PTGS1: variants seen among roughly 807,000 people sequenced by gnomAD.
PTGS1 encodes prostaglandin G/H synthase 1.
PTGS1 carries 40 observed loss-of-function variants against 63.0 expected under a neutral mutation model. The observed-to-expected ratio is 0.63, with a 90% confidence interval of 0.49 to 0.83. The LOEUF is 0.83. PTGS1 is among the 40% of genes least tolerant of loss of function. The pLI is 0.00. For missense variants in PTGS1, 709 were observed against 786.5 expected (o/e 0.90, Z 1.18); for synonymous variants, 298 against 301.9 (o/e 0.99, Z 0.13).
rs201622021 is a variant in PTGS1, at chr9:122,390,273, C to A, written c.1372C>A (p.Arg458=). Residue 458 remains arginine (R), a synonymous_variant, in exon 10 of 11, where the codon CGG becomes AGG. Transcript: ENST00000362012. ...TGTCATCAGGGAGTCTCGGGAGATG[C>A]GGCTGCAGCCCTTCAATGAGTACCG... The part of the protein sequence containing the change: ...VDVIRESREM[R]LQPFNEYRKR... 7.4e-6 allele frequency: 12 copies of A among 1,614,038 alleles called. No homozygotes were observed.
At chr9:122,381,860 G>A (rs1021283997) in intron 7 of PTGS1, 113 bp downstream of exon 7, 3 of 1,141,164 alleles carry the variant, frequency 2.6e-6, no homozygotes, top group African/African-American at 3.1e-5. Context: ...AACCACGGGA[G>A]TGGGAAGCTT....
chr9:122,374,505 A>G (rs935979861), intron 2 of PTGS1, among the ~76,000 whole-genome samples: 6 of 152,138 alleles, frequency 3.9e-5, no homozygotes, highest in Non-Finnish European at 5.9e-5. Context: ...TGTGCTGAGT[A>G]TGGGGGACTC....
intron 9 of PTGS1, among the ~76,000 whole-genome samples, chr9:122,388,995 G>A (rs1807621874): frequency 6.6e-6 from 1 of 152,094 alleles, no homozygotes; most frequent in Non-Finnish European, 1.5e-5. Flanking sequence ...TTGTAAAGCT[G>A]TAATTGGCAC....
chr9:122,378,161 T>A (rs1837287868), intron 3 of PTGS1, 146 bp downstream of exon 3: 1 of 904,468 alleles, frequency 1.1e-6, no homozygotes, highest in Non-Finnish European at 1.7e-6. Flanking sequence ...CTCCCTGACC[T>A]GGCTTCAGCA....
intron 2 of PTGS1, chr9:122,375,470 A>G (rs1243205345): frequency 2.0e-6 from 2 of 985,286 alleles, no homozygotes; most frequent in Non-Finnish European, 2.4e-6. Context: ...ACTTCATTTT[A>G]TTTATTCCAC....
At position 122,371,981 on chromosome 9, in the gene PTGS1, T is replaced by C. The variant is rs1460883618; in HGVS notation, c.94+709T>C. ...GGACCCGGAGCCACTCTGGGTTTCA[T>C]GGGGGAGGTTGATGGGGAAATTCCG... On this transcript the variant is annotated intron_variant, in intron 2 of 10. Transcript: ENST00000362012. 7.8e-6 allele frequency: 5 copies of C among 641,112 alleles called. No individual in the cohort carries two copies. The East Asian group carries it at 1.4e-4, about 18-fold the overall frequency. The allele number at this position is 641,112 out of a possible 1,614,324, so 39.7% of individuals were successfully genotyped here.
Position 122,392,403 on chromosome 9 carries a change from G to C in PTGS1, c.1659G>C (p.Val553=). The change falls in exon 11 of 11, where the codon GTG becomes GTC. Residue 553 remains valine, a synonymous_variant. Transcript: ENST00000362012. ...YWKPSTFGGE[V]GFNIVKTATL... is the part of the protein sequence containing the mutation. ...AGCCGAGCACATTTGGCGGCGAGGT[G>C]GGCTTTAACATTGTCAAGACGGCCA... is the stretch of plus-strand genomic sequence containing the variant. 1 of 1,614,158 alleles carries C rather than the reference G, an allele frequency of 6.2e-7. No individual in the cohort carries two copies. Among genetic ancestry groups the C allele is most frequent in the Non-Finnish European group, 8.5e-7 (1 of 1,180,034 alleles).
chr9:122,390,889 A>T (rs7874014), intron 10 of PTGS1, among the ~76,000 whole-genome samples: 11,664 of 151,848 alleles, frequency 0.077, 1,383 homozygotes, highest in African/African-American at 0.26. Context: ...AGAGCGAGAC[A>T]CCATCTCAAA....
intron 4 of PTGS1, 28 bp from the exon 5 acceptor site, chr9:122,378,746 CT>C: frequency 6.2e-7 from 1 of 1,613,328 alleles, no homozygotes; most frequent in East Asian, 2.2e-5. Flanking sequence ...TGGAAACACC[CT>C]TGTCACCGTT....
rs1408353678 is a variant in PTGS1, at chr9:122,378,521, G to T, written c.300G>T (p.Glu100Asp). The T allele has an allele frequency of 6.2e-7, 1 of 1,614,214 alleles. No individual in the cohort carries two copies. The highest frequency in any genetic ancestry group is 2.2e-5 in the East Asian group (1 of 44,866). ...TCACTCACGGGCGCTGGTTCTGGGA[G>T]TTTGTCAATGCCACCTTCATCCGAG... ...FLLTHGRWFW[E>D]FVNATFIREM... Residue 100 changes from glutamate to aspartate, a missense_variant, in exon 4 of 11, where the codon GAG (glutamate) becomes GAT (aspartate). By Grantham distance (45) the Glu-to-Asp change is conservative. Transcript: ENST00000362012.
chr9:122,370,948 C>A, upstream of PTGS1: 2 of 1,367,314 alleles, frequency 1.5e-6, no homozygotes, highest in South Asian at 1.3e-5. Flanking sequence ...AGCGGGCAGC[C>A]GAGGTGACAG....
chr9:122,389,439 C>T (rs1190375313), intron 9 of PTGS1, among the ~76,000 whole-genome samples: 1 of 152,066 alleles, frequency 6.6e-6, no homozygotes, highest in East Asian at 1.9e-4. Context: ...GCACAAGCCA[C>T]TGTGCCTGGT....
Position 122,377,948 on chromosome 9 carries a change from C to T in PTGS1, c.144C>T (p.Arg48=). The change falls in exon 3 of 11, where the codon CGC becomes CGT. Residue 48 remains arginine, a synonymous_variant. Coordinates refer to ENST00000362012, the MANE Select transcript of PTGS1 (RefSeq NM_000962.4). Reference sequence around the variant, plus strand: ...GCCAGCACCAGGGCATCTGTGTCCGCTTCGGCCTTGACCGCTACCAGTGTG... The same window carrying T: ...GCCAGCACCAGGGCATCTGTGTCCGTTTCGGCCTTGACCGCTACCAGTGTG... ...YPCQHQGICV[R]FGLDRYQCDC... is the part of the protein sequence containing the mutation. 6.2e-7 allele frequency: 1 copy of T among 1,614,122 alleles called. No homozygotes were observed. Among genetic ancestry groups the T allele is most frequent in the Non-Finnish European group, 8.5e-7 (1 of 1,180,026 alleles).
intron 5 of PTGS1, 104 bp downstream of exon 5, chr9:122,379,022 T>C (rs1837357830): frequency 7.0e-7 from 1 of 1,431,610 alleles, no homozygotes; most frequent in Non-Finnish European, 9.5e-7. Context: ...ATTCTGCAGA[T>C]GGCTAGACCA....
chr9:122,375,290 G>A (rs762034320), intron 2 of PTGS1: 13 of 985,354 alleles, frequency 1.3e-5, no homozygotes, highest in Non-Finnish European at 1.6e-5. Flanking sequence ...GGCAGGGAGG[G>A]TGTGGGCAGC....
At chr9:122,371,889 A>G in intron 2 of PTGS1, 1 of 1,317,278 alleles carries the variant, frequency 7.6e-7, no homozygotes, top group Non-Finnish European at 1.1e-6. Flanking sequence ...CAGGATCTGA[A>G]CTCAGGTCTG....
chr9:122,386,404 A>G lies in PTGS1; in HGVS notation c.1010-42A>G, dbSNP rs748398151. The G allele has an allele frequency of 2.5e-6, 4 of 1,597,190 alleles. No individual in the cohort carries two copies. The African/African-American group carries it at 5.4e-5, about 21-fold the overall frequency. On this transcript the variant is annotated intron_variant, in intron 8 of 10. Transcript: ENST00000362012. ...GCTTTCCAAGCTGGGCATCTAAATC[A>G]CTGTGCTTGGCTGACCCTATTTCCA... is the stretch of plus-strand genomic sequence containing the variant.
intron 2 of PTGS1, among the ~76,000 whole-genome samples, chr9:122,376,344 TTGTG>T (rs57350981): frequency 0.052 from 6,639 of 126,630 alleles, 250 homozygotes; most frequent in African/African-American, 0.12. Flanking sequence ...TGGTCCTTGC[TTGTG>T]TGTGTGTGTG....
intron 2 of PTGS1, among the ~76,000 whole-genome samples, chr9:122,374,917 T>C (rs1216075887): frequency 6.6e-6 from 1 of 152,182 alleles, no homozygotes; most frequent in African/African-American, 2.4e-5. Context: ...GCAAGCCTCC[T>C]GCTTTCTCTG....
Sources: gnomAD v4.1 joint callset for allele counts (sites outside exome capture counted in the v4.1 genomes callset) on GRCh38, gnomAD v4.1.1 for gene constraint, MANE v1.5 for transcripts, NCBI Gene and HGNC (gene_info 2026-07-23, HGNC 2026-07-21) for gene names.